The following CSMD1 variants were observed in gnomAD, a reference collection of about 807,000 sequenced individuals.
CSMD1 encodes the protein CUB and Sushi multiple domains 1, also known as CUB and sushi domain-containing protein 1.
Under a neutral mutation model 417.5 loss-of-function variants are expected in CSMD1, and 213 were observed. The ratio of observed to expected loss-of-function variants is 0.51; its 90% CI spans 0.46 to 0.57. The LOEUF (loss-of-function observed/expected upper bound fraction) is 0.57, where lower values mean the gene tolerates loss of function less well. Ranked by LOEUF, CSMD1 falls within the 20% of genes least tolerant of loss-of-function variation. CSMD1 has a pLI of 0.00. For synonymous variants in CSMD1, 2,862 were observed against 1,736.8 expected (o/e 1.65, Z -16.11); for missense variants, 6,923 against 4,529.7 (o/e 1.53, Z -15.17).
Position 2,962,481 on chromosome 8 carries a change from G to GGTAATAAT in CSMD1, c.9612_9613insATTATTAC (p.Gln3205IlefsTer60). On this transcript the variant is annotated frameshift_variant, in exon 61 of 70. Coordinates refer to ENST00000635120, the MANE Select transcript of CSMD1 (RefSeq NM_033225.6). LOFTEE classifies it high-confidence loss of function. ...TAATTATTACCAATGCAGGTGGGTT[G>GGTAATAAT]TATGCCGCTCCACGTGCCGTCAGCT... is the stretch of plus-strand genomic sequence containing the variant. The GGTAATAAT allele has an allele frequency of 6.2e-7, 1 of 1,613,782 alleles. No homozygotes were observed. The highest frequency in any genetic ancestry group is 1.1e-5 in the South Asian group (1 of 91,072).
chr8:3,901,416 C>T (rs58923290), intron 5 of CSMD1, among the ~76,000 whole-genome samples: 2,367 of 152,264 alleles, frequency 0.016, 64 homozygotes, highest in African/African-American at 0.051. Context: ...CCCTGAAATC[C>T]GTGCTGATGC....
chr8:4,754,305 G>C (rs1281364508), intron 1 of CSMD1, among the ~76,000 whole-genome samples: 1 of 152,146 alleles, frequency 6.6e-6, no homozygotes, highest in African/African-American at 2.4e-5. Flanking sequence ...ACCCGGTAGA[G>C]AAAGTAGAAT....
intron 1 of CSMD1, among the ~76,000 whole-genome samples, chr8:4,827,990 A>C (rs1023796076): frequency 2.6e-5 from 4 of 152,208 alleles, no homozygotes; most frequent in Non-Finnish European, 5.9e-5. Context: ...TCACATAATA[A>C]ACTTTATAAT....
chr8:3,880,050 A>G (rs1806109454), intron 5 of CSMD1, among the ~76,000 whole-genome samples: 1 of 142,376 alleles, frequency 7.0e-6, no homozygotes, highest in Non-Finnish European at 1.5e-5. Context: ...AGATTATAAA[A>G]GATTTTCTTT....
intron 1 of CSMD1, among the ~76,000 whole-genome samples, chr8:4,785,795 G>C (rs962225249): frequency 6.6e-6 from 1 of 152,142 alleles, no homozygotes; most frequent in African/African-American, 2.4e-5. Context: ...TAAGATATAA[G>C]TGTTGCCCAG....
intron 2 of CSMD1, among the ~76,000 whole-genome samples, chr8:4,482,252 T>G (rs1563220319): frequency 6.6e-6 from 1 of 152,134 alleles, no homozygotes; most frequent in Non-Finnish European, 1.5e-5. Flanking sequence ...TCTCCCATCC[T>G]CCACCCTTAT....
chr8:4,270,619 G>C (rs981747235), intron 3 of CSMD1, among the ~76,000 whole-genome samples: 13 of 152,154 alleles, frequency 8.5e-5, no homozygotes, highest in African/African-American at 2.2e-4. Context: ...TTTTGACTCT[G>C]ATAGAATTAA....
At chr8:3,098,811 C>G (rs1585343905) in intron 46 of CSMD1, among the ~76,000 whole-genome samples, 1 of 152,112 alleles carries the variant, frequency 6.6e-6, no homozygotes, top group Non-Finnish European at 1.5e-5. Flanking sequence ...ACAACCAGGG[C>G]TTTCCTTGGC....
chr8:4,727,638 C>G (rs368218514), intron 1 of CSMD1, among the ~76,000 whole-genome samples: 4 of 152,136 alleles, frequency 2.6e-5, no homozygotes, highest in African/African-American at 9.6e-5. Context: ...TGATCTGGTT[C>G]CCACTTGAAA....
intron 3 of CSMD1, among the ~76,000 whole-genome samples, chr8:4,170,559 A>C (rs1797714472): frequency 6.6e-6 from 1 of 151,890 alleles, no homozygotes; most frequent in African/African-American, 2.4e-5. Flanking sequence ...TGGAACATGG[A>C]CAATGGATGA....
At chr8:4,513,697 G>A (rs1802950248) in intron 2 of CSMD1, among the ~76,000 whole-genome samples, 1 of 152,224 alleles carries the variant, frequency 6.6e-6, no homozygotes, top group South Asian at 2.1e-4. Context: ...TCATTTTCTG[G>A]GGGACTTTAA....
At chr8:4,824,857 T>A (rs918381138) in intron 1 of CSMD1, among the ~76,000 whole-genome samples, 1 of 152,138 alleles carries the variant, frequency 6.6e-6, no homozygotes, top group Non-Finnish European at 1.5e-5. Flanking sequence ...TATCTCCAAG[T>A]GAAATGTCAT....
At chr8:4,917,258 G>A (rs570535897) in intron 1 of CSMD1, among the ~76,000 whole-genome samples, 1 of 152,170 alleles carries the variant, frequency 6.6e-6, no homozygotes, top group Admixed American at 6.5e-5. Flanking sequence ...GTAGGGGGAT[G>A]GTTCTAAACC....
chr8:4,573,011 G>C (rs536438791), intron 2 of CSMD1, among the ~76,000 whole-genome samples: 2 of 152,266 alleles, frequency 1.3e-5, no homozygotes, highest in East Asian at 1.9e-4. Flanking sequence ...CAAGTGAGCA[G>C]TTCCTGTAAT....
intron 2 of CSMD1, among the ~76,000 whole-genome samples, chr8:4,436,501 C>T (rs1471408236): frequency 6.6e-6 from 1 of 152,058 alleles, no homozygotes; most frequent in Non-Finnish European, 1.5e-5. Context: ...AGGGGTATCT[C>T]TCCTCTCAAA....
At position 3,257,762 on chromosome 8, in the gene CSMD1, G is replaced by C. The variant is rs112670023; in HGVS notation, c.4153+26382C>G. ...CATTTCTGGGGCTGGAGCTGAGAAG[G>C]GGGTGGATGATGAGGCTTCCAAGGG... On this transcript the variant is annotated intron_variant, in intron 26 of 69. Coordinates refer to ENST00000635120, the MANE Select transcript of CSMD1 (RefSeq NM_033225.6). Among the ~76,000 whole-genome samples the C allele has an allele frequency of 9.3e-4, 142 of 152,264 alleles. 3 individuals carry two copies. The South Asian group carries it at 0.026, about 28-fold the overall frequency.
chr8:4,383,949 T>C (rs991780014), intron 3 of CSMD1, among the ~76,000 whole-genome samples: 2 of 152,216 alleles, frequency 1.3e-5, no homozygotes, highest in African/African-American at 4.8e-5. Flanking sequence ...CGTTCTCTTT[T>C]ATGGAAACAG....
At chr8:4,228,890 C>G (rs1801530461) in intron 3 of CSMD1, among the ~76,000 whole-genome samples, 1 of 152,012 alleles carries the variant, frequency 6.6e-6, no homozygotes, top group African/African-American at 2.4e-5. Context: ...CCAAGTTGGC[C>G]AGGCTGGTCT....
chr8:4,584,440 G>C (rs1232097462), intron 2 of CSMD1, among the ~76,000 whole-genome samples: 2 of 152,140 alleles, frequency 1.3e-5, no homozygotes, highest in Non-Finnish European at 2.9e-5. Flanking sequence ...CTGTCGGCCA[G>C]TTAAAAGCGA....
Sources: allele counts gnomAD v4.1 joint callset (sites outside exome capture counted in the v4.1 genomes callset), GRCh38; gene constraint gnomAD v4.1.1; transcripts MANE v1.5; gene names NCBI Gene and HGNC (gene_info 2026-07-23, HGNC 2026-07-21).